The following CALN1 variants were observed in gnomAD, a reference collection of about 807,000 sequenced individuals.
CALN1 encodes the protein calcium-binding protein 8.
In CALN1, 17 loss-of-function variants were observed where a neutral mutation model predicts 30.6. The observed-to-expected ratio is 0.56, with a 90% confidence interval of 0.38 to 0.83. The LOEUF (loss-of-function observed/expected upper bound fraction) is 0.83. Ranked by LOEUF, CALN1 falls within the 40% of genes least tolerant of loss-of-function variation. The pLI is 0.00. For missense variants in CALN1, 291 were observed against 354.9 expected (o/e 0.82, Z 1.45); for synonymous variants, 156 against 131.4 (o/e 1.19, Z -1.28).
At chr7:71,864,771 G>A (rs1791491970) in intron 5 of CALN1, among the ~76,000 whole-genome samples, 1 of 152,178 alleles carries the variant, frequency 6.6e-6, no homozygotes, top group Non-Finnish European at 1.5e-5. Context: ...GGAGGCCAAG[G>A]CAGGAGGATC....
chr7:71,885,977 TTAATTCC>T (rs1475359946), intron 5 of CALN1, among the ~76,000 whole-genome samples: 1 of 152,202 alleles, frequency 6.6e-6, no homozygotes, highest in Non-Finnish European at 1.5e-5. Flanking sequence ...ATGAGCCGAT[TTAATTCC>T]TTCCCAACAA....
At chr7:72,002,936 A>G (rs1355866431) in intron 5 of CALN1, among the ~76,000 whole-genome samples, 1 of 152,166 alleles carries the variant, frequency 6.6e-6, no homozygotes, top group Non-Finnish European at 1.5e-5. Context: ...AGGATACACA[A>G]TTTCAGTTAT....
At chr7:72,455,321 A>ATGTG in the CALN1 span, among the ~76,000 whole-genome samples, 4,232 of 138,800 alleles carry the variant, frequency 0.03, 92 homozygotes, top group East Asian at 0.077. Flanking sequence ...ATATATATAT[A>ATGTG]TGTGTGTGTG....
At chr7:71,849,162 C>G (rs1201882601) in intron 5 of CALN1, among the ~76,000 whole-genome samples, 1 of 152,090 alleles carries the variant, frequency 6.6e-6, no homozygotes, top group Admixed American at 6.5e-5. Context: ...CTATGTGTGG[C>G]TTATTTTTAT....
At chr7:72,246,128 G>A (rs944491283) in intron 3 of CALN1, among the ~76,000 whole-genome samples, 2 of 152,038 alleles carry the variant, frequency 1.3e-5, no homozygotes, top group Non-Finnish European at 2.9e-5. Flanking sequence ...CATCTTTCCA[G>A]TTCCACTTCC....
chr7:72,044,599 CTTTTTTTTTTTTTTTTTT>C (rs549079139), intron 4 of CALN1, among the ~76,000 whole-genome samples: 1 of 96,692 alleles, frequency 1.0e-5, no homozygotes, highest in African/African-American at 4.1e-5. Context: ...CCGCTTAAAA[CTTTTTTTTTTTTTTTTTT>C]TTTTTTTTTT....
chr7:71,936,832 G>A (rs1795860017), intron 5 of CALN1, among the ~76,000 whole-genome samples: 1 of 152,064 alleles, frequency 6.6e-6, no homozygotes, highest in Non-Finnish European at 1.5e-5. Flanking sequence ...AACCATGGAG[G>A]CAGTTTCCCC....
intron 4 of CALN1, among the ~76,000 whole-genome samples, chr7:72,028,546 G>T (rs144196155): frequency 6.6e-6 from 1 of 152,200 alleles, no homozygotes; most frequent in Non-Finnish European, 1.5e-5. Context: ...GGATCCTATG[G>T]GCAGGGCCAA....
chr7:72,467,818 T>C, the CALN1 span, among the ~76,000 whole-genome samples: 1 of 152,236 alleles, frequency 6.6e-6, no homozygotes, highest in Admixed American at 6.5e-5. Flanking sequence ...CTCTACCTGG[T>C]TGCAAAACAT....
At chr7:72,306,616 T>C (rs1799669879) in intron 2 of CALN1, among the ~76,000 whole-genome samples, 1 of 143,750 alleles carries the variant, frequency 7.0e-6, no homozygotes, top group Non-Finnish European at 1.5e-5. Flanking sequence ...CTCTCATTCC[T>C]GCTCTAAAAA....
chr7:72,081,119 C>T (rs889488253), intron 4 of CALN1, among the ~76,000 whole-genome samples: 11 of 152,052 alleles, frequency 7.2e-5, no homozygotes, highest in Non-Finnish European at 1.6e-4. Context: ...TGATGTACAG[C>T]AGTGAGAGCA....
intron 2 of CALN1, among the ~76,000 whole-genome samples, chr7:72,340,700 G>C (rs1488291868): frequency 2.6e-5 from 4 of 152,142 alleles, no homozygotes; most frequent in African/African-American, 7.2e-5. Flanking sequence ...GATATGGTTT[G>C]GCTGTGTCCC....
At chr7:72,397,651 G>C (rs960861586) in intron 2 of CALN1, among the ~76,000 whole-genome samples, 1 of 151,400 alleles carries the variant, frequency 6.6e-6, no homozygotes, top group Non-Finnish European at 1.5e-5. Flanking sequence ...TCTACCAGTA[G>C]CCTCTTCAAG....
chr7:72,144,197 C>G (rs920912197), intron 3 of CALN1, among the ~76,000 whole-genome samples: 75 of 152,072 alleles, frequency 4.9e-4, no homozygotes, highest in Non-Finnish European at 4.1e-4. Context: ...GATAAAGAGT[C>G]AAGACCCATC....
chr7:72,256,064 G>T (rs7779206), intron 3 of CALN1, among the ~76,000 whole-genome samples: 1 of 152,020 alleles, frequency 6.6e-6, no homozygotes, highest in African/African-American at 2.4e-5. Flanking sequence ...ATACGGAAGC[G>T]ATGGGCACTT....
At chr7:72,480,129 C>T in the CALN1 span, among the ~76,000 whole-genome samples, 7 of 152,242 alleles carry the variant, frequency 4.6e-5, no homozygotes, top group African/African-American at 1.2e-4. Flanking sequence ...TGGCACTGGC[C>T]GAGAATCTCC....
At chr7:71,871,733 A>C (rs1441227822) in intron 5 of CALN1, among the ~76,000 whole-genome samples, 1 of 151,386 alleles carries the variant, frequency 6.6e-6, no homozygotes, top group African/African-American at 2.4e-5. Flanking sequence ...TTTCCCATGA[A>C]TCACTCTCCT....
chr7:72,441,520 C>A (rs1808342279), intron 1 of CALN1, among the ~76,000 whole-genome samples: 1 of 149,770 alleles, frequency 6.7e-6, no homozygotes, highest in Admixed American at 6.7e-5. Context: ...ATCTCTTGAA[C>A]CCAGGAGGCA....
At chr7:72,044,180 A>G (rs936188674) in intron 4 of CALN1, among the ~76,000 whole-genome samples, 16 of 152,098 alleles carry the variant, frequency 1.1e-4, no homozygotes, top group African/African-American at 3.9e-4. Context: ...TAGTGCTGCT[A>G]TTGCCCCCTC....
Sources: allele counts gnomAD v4.1 joint callset (sites outside exome capture counted in the v4.1 genomes callset), GRCh38; gene constraint gnomAD v4.1.1; transcripts MANE v1.5; gene names NCBI Gene and HGNC (gene_info 2026-07-23, HGNC 2026-07-21).